NTN1: variants seen among roughly 807,000 people sequenced by gnomAD.
The protein encoded by NTN1 is netrin 1.
A neutral mutation model predicts 54.2 loss-of-function variants in NTN1; 11 were observed. The observed-to-expected ratio is 0.20, with a 90% confidence interval of 0.13 to 0.34. NTN1 has a LOEUF of 0.34. Among genes scored for constraint, NTN1 ranks in the 10% least tolerant of loss-of-function variants. The probability of loss-of-function intolerance (pLI) is 1.00; values close to 1 mark genes in which losing one functional copy is unlikely to be tolerated. For missense variants in NTN1, 740 were observed against 893.1 expected, an observed-to-expected ratio of 0.83 and a Z score of 2.18; for synonymous variants, 371 against 382.0, an observed-to-expected ratio of 0.97 and a Z score of 0.33.
intron 2 of NTN1, among the ~76,000 whole-genome samples, chr17:9,106,544 C>T (rs1300749649): frequency 2.0e-5 from 3 of 148,206 alleles, no homozygotes; most frequent in Non-Finnish European, 3.0e-5. Context: ...GACAGAGTCT[C>T]GCTCTGTCAC....
chr17:9,152,077 A>T lies in NTN1; in HGVS notation c.1019-10736A>T, dbSNP rs1393064889. 2.0e-5 allele frequency among the ~76,000 whole-genome samples: 3 copies of T among 152,000 alleles called. No individual in the cohort carries two copies. In the East Asian group the frequency reaches 5.8e-4, roughly 29 times the overall value. On this transcript the variant is annotated intron_variant, in intron 2 of 6. Transcript: ENST00000173229. ...CCCCGCGGGCCATGAGTGGCAATCC[A>T]CTCGGGTCACCTTCCACGCTGTGGA... is the stretch of plus-strand genomic sequence containing the variant.
chr17:9,240,175 T>G lies in NTN1; in HGVS notation c.*207T>G. ...CTGCGCGCTCTGGGCGGGAGCCGCG[T>G]GCACGCGGGGCGGGGTGCGCCGCCG... On this transcript the variant is annotated 3_prime_UTR_variant, in exon 7 of 7. Transcript: ENST00000173229. The G allele has an allele frequency of 5.3e-6, 1 of 188,020 alleles. No homozygotes were observed. The highest frequency in any genetic ancestry group is 1.0e-5 in the Non-Finnish European group (1 of 99,726). 11.6% of individuals were successfully genotyped at this position (188,020 alleles called of 1,614,324 possible).
chr17:9,092,071 G>T (rs2092112716), intron 2 of NTN1, among the ~76,000 whole-genome samples: 2 of 151,494 alleles, frequency 1.3e-5, no homozygotes, highest in African/African-American at 4.8e-5. Context: ...TGTATTTTTA[G>T]TAGAGACGGG....
intron 5 of NTN1, among the ~76,000 whole-genome samples, chr17:9,217,142 T>A (rs1417200823): frequency 1.3e-5 from 2 of 152,026 alleles, no homozygotes; most frequent in African/African-American, 4.8e-5. Flanking sequence ...GGAGGAGGGA[T>A]CGTCCCCACT....
intron 2 of NTN1, among the ~76,000 whole-genome samples, chr17:9,080,052 G>A (rs1161562470): frequency 6.6e-6 from 1 of 151,638 alleles, no homozygotes; most frequent in Non-Finnish European, 1.5e-5. Context: ...GGAGGAACTG[G>A]TTCCCCTGAG....
intron 3 of NTN1, among the ~76,000 whole-genome samples, chr17:9,170,404 C>G (rs1287140703): frequency 6.6e-6 from 1 of 152,216 alleles, no homozygotes; most frequent in Non-Finnish European, 1.5e-5. Flanking sequence ...CTTTGACCCT[C>G]TGGTTGCTTT....
chr17:9,024,263 T>C (rs868311158), intron 2 of NTN1, among the ~76,000 whole-genome samples: 3 of 152,204 alleles, frequency 2.0e-5, no homozygotes, highest in Non-Finnish European at 4.4e-5. Context: ...TGGACGACTT[T>C]GCTGCTGCAG....
At chr17:9,050,563 G>T (rs888927057) in intron 2 of NTN1, among the ~76,000 whole-genome samples, 2 of 151,434 alleles carry the variant, frequency 1.3e-5, no homozygotes, top group South Asian at 4.2e-4. Context: ...CCAGCCACTC[G>T]GGAGGCTGAG....
chr17:9,132,634 G>C (rs570565646), intron 2 of NTN1, among the ~76,000 whole-genome samples: 1 of 152,168 alleles, frequency 6.6e-6, no homozygotes. Flanking sequence ...CACCACTTTG[G>C]GGGGCTGAGG....
chr17:9,009,794 T>C, the NTN1 span, among the ~76,000 whole-genome samples: 1 of 152,194 alleles, frequency 6.6e-6, no homozygotes, highest in African/African-American at 2.4e-5. Context: ...TTCCCCCGCC[T>C]AAGTTAGCGG....
intron 2 of NTN1, among the ~76,000 whole-genome samples, chr17:9,076,346 G>T (rs988934353): frequency 3.3e-5 from 5 of 152,032 alleles, no homozygotes; most frequent in South Asian, 2.1e-4. Flanking sequence ...TCCCCTTTAG[G>T]TTCTCTATTT....
intron 2 of NTN1, among the ~76,000 whole-genome samples, chr17:9,060,496 CT>C (rs1206487907): frequency 6.6e-6 from 1 of 152,146 alleles, no homozygotes; most frequent in African/African-American, 2.4e-5. Context: ...ATTGGTGTCC[CT>C]AACTCCTGTG....
intron 2 of NTN1, among the ~76,000 whole-genome samples, chr17:9,124,798 C>T (rs1162729059): frequency 3.3e-5 from 5 of 152,180 alleles, no homozygotes; most frequent in East Asian, 1.9e-4. Context: ...TGGGACATGA[C>T]GGCATCGGTT....
intron 2 of NTN1, among the ~76,000 whole-genome samples, chr17:9,046,765 G>A (rs2091942617): frequency 6.6e-6 from 1 of 151,994 alleles, no homozygotes; most frequent in Admixed American, 6.6e-5. Flanking sequence ...CAGCCTGGTT[G>A]GCAGAGAAAG....
intron 5 of NTN1, among the ~76,000 whole-genome samples, chr17:9,195,737 A>G (rs948044389): frequency 1.3e-5 from 2 of 152,202 alleles, no homozygotes; most frequent in East Asian, 3.9e-4. Context: ...TCCTGCCCCT[A>G]TTGCAGCGGG....
At chr17:9,113,990 C>CT (rs2142254627) in intron 2 of NTN1, among the ~76,000 whole-genome samples, 1 of 150,696 alleles carries the variant, frequency 6.6e-6, no homozygotes. Flanking sequence ...TAGTGAAACC[C>CT]ATCTCTACTG....
upstream of NTN1, among the ~76,000 whole-genome samples, chr17:9,020,911 G>A (rs1167264780): frequency 1.3e-5 from 2 of 152,316 alleles, no homozygotes; most frequent in East Asian, 1.9e-4. Context: ...GTGCGGGCGA[G>A]CAGCCCCTCC....
rs1449707617 is a variant in NTN1 at position 9,022,918 on chromosome 17, G to C, written c.545G>C (p.Arg182Pro). The C allele has an allele frequency of 1.9e-6, 3 of 1,611,940 alleles. No individual in the cohort carries two copies. Among genetic ancestry groups the C allele is most frequent in the South Asian group, 2.2e-5 (2 of 90,992 alleles). ...VPFQFYSTQC[R>P]KMYNRPHRAP... Reference sequence around the variant, plus strand: ...TTCCAGTTCTACTCCACGCAGTGCCGCAAGATGTACAACCGGCCGCACCGC... The same window carrying C: ...TTCCAGTTCTACTCCACGCAGTGCCCCAAGATGTACAACCGGCCGCACCGC... Residue 182 changes from arginine (R) to proline (P), a missense_variant, in exon 2 of 7, where the codon CGC becomes CCC. Arg to Pro is a moderately radical substitution (Grantham distance 103). Coordinates refer to ENST00000173229, the MANE Select transcript of NTN1 (RefSeq NM_004822.3).
At chr17:9,151,071 TGAA>T (rs1488237057) in intron 2 of NTN1, among the ~76,000 whole-genome samples, 2 of 152,206 alleles carry the variant, frequency 1.3e-5, no homozygotes, top group East Asian at 3.9e-4. Context: ...CATTTCTGCT[TGAA>T]GAAGGAGACA....
Sources: gnomAD v4.1 joint callset for allele counts (sites outside exome capture counted in the v4.1 genomes callset) on GRCh38, gnomAD v4.1.1 for gene constraint, MANE v1.5 for transcripts, NCBI Gene and HGNC (gene_info 2026-07-23, HGNC 2026-07-21) for gene names.